Variants in VPS37A observed in about 807,000 individuals in gnomAD.
The protein encoded by VPS37A is VPS37A subunit of ESCRT-I.
Under a neutral mutation model 49.8 loss-of-function variants are expected in VPS37A, and 30 were observed. The observed-to-expected ratio is 0.60, with a 90% confidence interval of 0.45 to 0.82. The LOEUF (loss-of-function observed/expected upper bound fraction) is 0.82. Ranked by LOEUF, VPS37A falls within the 40% of genes least tolerant of loss-of-function variation. The probability of loss-of-function intolerance (pLI) is 0.00; values close to 1 mark genes in which losing one functional copy is unlikely to be tolerated. For synonymous variants in VPS37A, 195 were observed against 160.6 expected (o/e 1.21, Z -1.62); for missense variants, 593 against 464.4 (o/e 1.28, Z -2.55).
chr8:17,311,874 A>G, the VPS37A span: 1 of 546,210 alleles, frequency 1.8e-6, no homozygotes, highest in Middle Eastern at 5.1e-4. Flanking sequence ...CACCTCCAAT[A>G]AGCGCATGTA....
In VPS37A at chr8:17,274,754, G is replaced by A. The variant is rs780146536; in HGVS notation, c.438G>A (p.Gly146=). ...TCAGTCTATACAGTAACCCAAGTGGGATGTCTCCTTATGCTTCTCAGGGTT... is the reference window on the plus strand; with the variant it reads ...TCAGTCTATACAGTAACCCAAGTGGAATGTCTCCTTATGCTTCTCAGGGTT... ...AFPYLYSNPS[G]MSPYASQGFP... is the part of the protein sequence containing the mutation. Residue 146 remains glycine, a synonymous_variant, in exon 5 of 12, where the codon GGG becomes GGA. Transcript: ENST00000324849. The A allele has an allele frequency of 8.1e-6, 13 of 1,613,942 alleles. No individual in the cohort carries two copies. The African/African-American group carries it at 1.7e-4, about 22-fold the overall frequency.
the VPS37A span, among the ~76,000 whole-genome samples, chr8:17,316,413 C>G: frequency 1.1e-4 from 17 of 151,536 alleles, no homozygotes; most frequent in Non-Finnish European, 2.5e-4. Context: ...TTATCCATCC[C>G]CCTACTGTTG....
the VPS37A span, among the ~76,000 whole-genome samples, chr8:17,319,892 C>T: frequency 6.6e-6 from 1 of 152,134 alleles, no homozygotes; most frequent in Non-Finnish European, 1.5e-5. Flanking sequence ...CTATCACTTA[C>T]AACAGTGCTG....
chr8:17,307,902 G>A, the VPS37A span, among the ~76,000 whole-genome samples: 1 of 151,590 alleles, frequency 6.6e-6, no homozygotes, highest in Non-Finnish European at 1.5e-5. Context: ...TGGCGGGAGG[G>A]GGGAGGGATA....
the VPS37A span, among the ~76,000 whole-genome samples, chr8:17,327,233 T>G: frequency 0.37 from 55,600 of 152,058 alleles, 14,530 homozygotes; most frequent in African/African-American, 0.74. Flanking sequence ...ATTCTACTAT[T>G]ATAAATAAAA....
chr8:17,300,762 T>C (rs972801841), downstream of VPS37A, among the ~76,000 whole-genome samples: 4 of 152,218 alleles, frequency 2.6e-5, no homozygotes, highest in African/African-American at 9.6e-5. Flanking sequence ...TCATTAGCAG[T>C]CATTTCCCAT....
rs79335271 is a variant in VPS37A, at chr8:17,260,059, A to G, written c.126-5848A>G. On this transcript the variant is annotated intron_variant, in intron 1 of 11. Coordinates refer to ENST00000324849, the MANE Select transcript of VPS37A (RefSeq NM_152415.3). ...GCCTTTTAATTGGAGAATTTAGTCC[A>G]TTACATTAATTATTGATAAGTAAGG... 3.9e-3 allele frequency among the ~76,000 whole-genome samples: 596 copies of G among 152,184 alleles called. 7 individuals carry two copies. The highest frequency in any genetic ancestry group is 0.035 in the East Asian group (183 of 5,182).
the VPS37A span, among the ~76,000 whole-genome samples, chr8:17,328,018 G>T: frequency 6.6e-6 from 1 of 152,144 alleles, no homozygotes; most frequent in Admixed American, 6.6e-5. Context: ...TTAGTTTAAT[G>T]AATACATTGA....
chr8:17,302,633 G>A (rs898228405), downstream of VPS37A, among the ~76,000 whole-genome samples: 5 of 143,246 alleles, frequency 3.5e-5, no homozygotes, highest in Admixed American at 2.2e-4. Flanking sequence ...AGCTACAAAG[G>A]GAATCTTAAA....
At chr8:17,300,269 T>TATC, downstream of VPS37A, 2 of 1,547,930 alleles carry the variant, frequency 1.3e-6, no homozygotes, top group Non-Finnish European at 1.7e-6. Flanking sequence ...ATAAATAACT[T>TATC]ATCTTTTTCT....
At chr8:17,318,641 T>G in the VPS37A span, among the ~76,000 whole-genome samples, 2 of 152,174 alleles carry the variant, frequency 1.3e-5, no homozygotes, top group Non-Finnish European at 2.9e-5. Context: ...CCAGGTTTCC[T>G]GAGATTCTCT....
intron 1 of VPS37A, among the ~76,000 whole-genome samples, chr8:17,256,798 A>C (rs1360972823): frequency 6.6e-6 from 1 of 151,756 alleles, no homozygotes; most frequent in Non-Finnish European, 1.5e-5. Context: ...GATTACAGGC[A>C]CTCACCACCA....
chr8:17,271,232 A>G (rs1163600255), intron 4 of VPS37A, among the ~76,000 whole-genome samples: 4 of 152,166 alleles, frequency 2.6e-5, no homozygotes, highest in African/African-American at 9.7e-5. Flanking sequence ...TGCCTGTAGA[A>G]ATTAAGGGTC....
intron 2 of VPS37A, among the ~76,000 whole-genome samples, chr8:17,267,500 T>A (rs2150375606): frequency 6.6e-6 from 1 of 151,978 alleles, no homozygotes; most frequent in African/African-American, 2.4e-5. Flanking sequence ...AAATATACTG[T>A]TCTTTACGTG....
At chr8:17,276,714 A>G (rs567506878) in intron 6 of VPS37A, among the ~76,000 whole-genome samples, 1 of 152,246 alleles carries the variant, frequency 6.6e-6, no homozygotes, top group East Asian at 1.9e-4. Context: ...AAGATAACAA[A>G]ATCCTTTCTG....
intron 1 of VPS37A, among the ~76,000 whole-genome samples, chr8:17,249,086 C>A (rs1285730977): frequency 6.6e-6 from 1 of 152,164 alleles, no homozygotes; most frequent in African/African-American, 2.4e-5. Context: ...GAATTAATTG[C>A]TTTTAAACCT....
the VPS37A span, among the ~76,000 whole-genome samples, chr8:17,315,217 A>C: frequency 6.6e-6 from 1 of 152,218 alleles, no homozygotes; most frequent in African/African-American, 2.4e-5. Flanking sequence ...CACAGTGCTA[A>C]GGGAAAGAAG....
chr8:17,265,371 A>C (rs1335440824), intron 1 of VPS37A, among the ~76,000 whole-genome samples: 1 of 152,244 alleles, frequency 6.6e-6, no homozygotes, highest in East Asian at 1.9e-4. Flanking sequence ...ACTAACTAGA[A>C]CATTGCTACC....
chr8:17,331,173 T>C, the VPS37A span: 1 of 1,612,036 alleles, frequency 6.2e-7, no homozygotes, highest in Non-Finnish European at 8.5e-7. Context: ...CTGCAGACTG[T>C]TCCTCATGAC....
Sources: gnomAD v4.1 joint callset for allele counts (sites outside exome capture counted in the v4.1 genomes callset) on GRCh38, gnomAD v4.1.1 for gene constraint, MANE v1.5 for transcripts, NCBI Gene and HGNC (gene_info 2026-07-23, HGNC 2026-07-21) for gene names.